RBFOX1: variants seen among roughly 807,000 people sequenced by gnomAD.
RBFOX1 encodes the protein RNA binding protein fox-1 homolog 1.
RBFOX1 carries 8 observed loss-of-function variants against 57.7 expected under a neutral mutation model. That is an observed-to-expected ratio of 0.14 (90% CI 0.08 to 0.25). The LOEUF is 0.25. Ranked by LOEUF, RBFOX1 falls within the 10% of genes least tolerant of loss-of-function variation. RBFOX1 has a pLI of 1.00. For missense variants in RBFOX1, 611 were observed against 548.5 expected (o/e 1.11, Z -1.14); for synonymous variants, 326 against 222.4 (o/e 1.47, Z -4.15).
At chr16:5,388,818 C>T (rs1164302842) in intron 1 of RBFOX1, among the ~76,000 whole-genome samples, 1 of 151,766 alleles carries the variant, frequency 6.6e-6, no homozygotes, top group African/African-American at 2.4e-5. Context: ...CTCAGATGAT[C>T]CACCCACCTC....
intron 4 of RBFOX1, among the ~76,000 whole-genome samples, chr16:7,161,248 T>C (rs1046389852): frequency 3.3e-5 from 5 of 152,184 alleles, no homozygotes; most frequent in African/African-American, 1.2e-4. Context: ...AGTGCTATGA[T>C]TGATTAATGA....
intron 10 of RBFOX1, among the ~76,000 whole-genome samples, chr16:7,626,756 G>A (rs557213821): frequency 5.3e-5 from 8 of 152,206 alleles, no homozygotes; most frequent in South Asian, 4.1e-4. Context: ...ATGAACAGGC[G>A]GAAGAAAGAT....
At chr16:6,135,403 A>G (rs2096659216) in intron 1 of RBFOX1, among the ~76,000 whole-genome samples, 1 of 152,166 alleles carries the variant, frequency 6.6e-6, no homozygotes, top group Admixed American at 6.6e-5. Context: ...ATTATTATTT[A>G]CATTTTGCAT....
intron 2 of RBFOX1, among the ~76,000 whole-genome samples, chr16:6,608,919 C>G (rs2097992215): frequency 6.6e-6 from 1 of 152,134 alleles, no homozygotes; most frequent in African/African-American, 2.4e-5. Context: ...CCCTTCCCAA[C>G]TTTTAGAATC....
At chr16:7,527,708 C>G (rs1395153935) in intron 5 of RBFOX1, among the ~76,000 whole-genome samples, 1 of 152,006 alleles carries the variant, frequency 6.6e-6, no homozygotes, top group Non-Finnish European at 1.5e-5. Flanking sequence ...TTGTGAAATC[C>G]TAATACAGTA....
chr16:6,689,045 C>T (rs148982586), intron 3 of RBFOX1, among the ~76,000 whole-genome samples: 104 of 152,258 alleles, frequency 6.8e-4, no homozygotes, highest in Middle Eastern at 3.4e-3. Context: ...TATTGATGGG[C>T]ATTTGGGTTG....
At chr16:5,688,256 A>C (rs2050563583) in intron 3 of RBFOX1, among the ~76,000 whole-genome samples, 1 of 152,178 alleles carries the variant, frequency 6.6e-6, no homozygotes, top group African/African-American at 2.4e-5. Context: ...CAATCTTTTT[A>C]TGTGTTTGGC....
chr16:5,991,142 G>T (rs548462296), intron 4 of RBFOX1, among the ~76,000 whole-genome samples: 1 of 152,150 alleles, frequency 6.6e-6, no homozygotes, highest in African/African-American at 2.4e-5. Flanking sequence ...GGACCATTTG[G>T]GGGGTGACTG....
intron 4 of RBFOX1, among the ~76,000 whole-genome samples, chr16:7,204,370 A>C (rs1479254402): frequency 6.6e-6 from 1 of 151,982 alleles, no homozygotes; most frequent in African/African-American, 2.4e-5. Flanking sequence ...GGTCAGGTGT[A>C]ATGGCATATA....
intron 5 of RBFOX1, among the ~76,000 whole-genome samples, chr16:7,551,628 G>A (rs1440904759): frequency 2.0e-5 from 3 of 152,164 alleles, no homozygotes; most frequent in Middle Eastern, 6.3e-3. Flanking sequence ...TAATGCAGTG[G>A]AATACTGTGA....
In RBFOX1 at chr16:5,947,512, G is replaced by A. The variant is rs1046631259; in HGVS notation, c.351+80177G>A. On this transcript the variant is annotated intron_variant, in intron 4 of 19. Coordinates refer to the RBFOX1 transcript ENST00000641259. The surrounding 1 kb of genome is among the most constrained non-coding windows in gnomAD (Gnocchi z 7.2). ...CCAGTTTTTAAAATTTTTAGAGACA[G>A]GGGTCTCTGTATGTTGCCTAGGCTG... 3.9e-5 allele frequency among the ~76,000 whole-genome samples: 6 copies of A among 152,092 alleles called. No individual in the cohort carries two copies. The highest frequency in any genetic ancestry group is 1.4e-4 in the African/African-American group (6 of 41,422).
At chr16:6,077,799 C>G (rs186454042) in intron 1 of RBFOX1, among the ~76,000 whole-genome samples, 7 of 151,918 alleles carry the variant, frequency 4.6e-5, no homozygotes, top group East Asian at 1.9e-4. Flanking sequence ...TCACTGCAGC[C>G]TCGACCTCCT....
At chr16:6,984,235 A>G (rs951345864) in intron 3 of RBFOX1, among the ~76,000 whole-genome samples, 3 of 152,160 alleles carry the variant, frequency 2.0e-5, no homozygotes, top group African/African-American at 7.2e-5. Context: ...CAACAAGAGT[A>G]AAACTCCATC....
chr16:6,994,191 G>C (rs2091929830), intron 3 of RBFOX1, among the ~76,000 whole-genome samples: 2 of 152,114 alleles, frequency 1.3e-5, no homozygotes, highest in Admixed American at 1.3e-4. Context: ...TTTCCAGTCT[G>C]CAAAATTAGA....
chr16:7,688,335 C>G (rs950929213), intron 14 of RBFOX1, among the ~76,000 whole-genome samples: 3 of 150,928 alleles, frequency 2.0e-5, no homozygotes, highest in Admixed American at 6.6e-5. Context: ...TGAGTGATAT[C>G]GATCCTGAGA....
intron 11 of RBFOX1, among the ~76,000 whole-genome samples, chr16:7,635,583 G>A (rs28484583): frequency 6.6e-6 from 1 of 151,874 alleles, no homozygotes; most frequent in Non-Finnish European, 1.5e-5. Flanking sequence ...GGCGGGGGAC[G>A]GTGTGTTATT....
chr16:6,825,698 G>C (rs2092030902), intron 3 of RBFOX1, among the ~76,000 whole-genome samples: 1 of 152,128 alleles, frequency 6.6e-6, no homozygotes, highest in Non-Finnish European at 1.5e-5. Context: ...AAAGAACCTA[G>C]TAGCAGATGA....
intron 5 of RBFOX1, among the ~76,000 whole-genome samples, chr16:7,571,935 C>T (rs978587659): frequency 6.6e-6 from 1 of 152,154 alleles, no homozygotes; most frequent in African/African-American, 2.4e-5. Context: ...TTGAGACCAG[C>T]CTGGCCAACA....
intron 1 of RBFOX1, among the ~76,000 whole-genome samples, chr16:6,205,026 C>T (rs1004429896): frequency 3.3e-5 from 5 of 152,130 alleles, no homozygotes; most frequent in African/African-American, 1.2e-4. Context: ...AACCGATTGA[C>T]TGAGACAGAA....
Sources: gnomAD v4.1 joint callset for allele counts (sites outside exome capture counted in the v4.1 genomes callset) on GRCh38, gnomAD v4.1.1 for gene constraint, Gnocchi (gnomAD v3.1) non-coding constraint, MANE v1.5 for transcripts, NCBI Gene and HGNC (gene_info 2026-07-23, HGNC 2026-07-21) for gene names.